Variants in ZC3H12B observed in about 807,000 individuals in gnomAD.
ZC3H12B encodes zinc finger CCCH-type containing 12B, also known as probable ribonuclease ZC3H12B.
In ZC3H12B, 7 loss-of-function variants were observed where a neutral mutation model predicts 43.9. The ratio of observed to expected loss-of-function variants is 0.16; its 90% CI spans 0.09 to 0.30. ZC3H12B has a LOEUF of 0.30. Ranked by LOEUF, ZC3H12B falls within the 10% of genes least tolerant of loss-of-function variation. The pLI is 1.00. For missense variants in ZC3H12B, 475 were observed against 670.2 expected (o/e 0.71, Z 3.22); for synonymous variants, 222 against 241.7 (o/e 0.92, Z 0.76).
At chrX:65,147,891 C>T in the ZC3H12B span, among the ~76,000 whole-genome samples, 1 of 110,652 alleles carries the variant, frequency 9.0e-6, no homozygotes. Context: ...TGGGGACTGG[C>T]CTGGAGCCTG....
chrX:65,309,325 T>C, the ZC3H12B span, among the ~76,000 whole-genome samples: 3 of 111,595 alleles, frequency 2.7e-5, no homozygotes, highest in African/African-American at 9.8e-5. Context: ...TCACCACTGA[T>C]CCCACAGAAA....
the ZC3H12B span, among the ~76,000 whole-genome samples, chrX:65,188,534 T>C: frequency 9.0e-6 from 1 of 110,973 alleles, no homozygotes; most frequent in Non-Finnish European, 1.9e-5. Flanking sequence ...TTATGTCTTA[T>C]TACAGTTTGG....
the ZC3H12B span, among the ~76,000 whole-genome samples, chrX:65,091,279 A>C: frequency 2.6e-3 from 293 of 112,016 alleles, no homozygotes; most frequent in Non-Finnish European, 4.8e-3. Flanking sequence ...AAAGGAATGC[A>C]AGGAATGCAG....
chrX:65,149,182 C>T, the ZC3H12B span, among the ~76,000 whole-genome samples: 1 of 111,112 alleles, frequency 9.0e-6, no homozygotes, highest in Non-Finnish European at 1.9e-5. Context: ...AAAGATGCAT[C>T]AAGTGTTCCC....
the ZC3H12B span, among the ~76,000 whole-genome samples, chrX:65,330,181 T>G: frequency 9.1e-6 from 1 of 110,434 alleles, no homozygotes; most frequent in Admixed American, 9.6e-5. Flanking sequence ...CTACCCAAGT[T>G]CACTCATGAT....
the ZC3H12B span, among the ~76,000 whole-genome samples, chrX:65,119,190 G>A: frequency 1.8e-5 from 2 of 111,390 alleles, no homozygotes; most frequent in African/African-American, 6.5e-5. Context: ...GGGTCAAATG[G>A]TATTTCTAGT....
chrX:65,112,122 G>A, the ZC3H12B span, among the ~76,000 whole-genome samples: 1 of 112,157 alleles, frequency 8.9e-6, no homozygotes, highest in Non-Finnish European at 1.9e-5. Context: ...TGTCTTATTG[G>A]TGGTAGGAAG....
chrX:65,119,533 A>T, the ZC3H12B span, among the ~76,000 whole-genome samples: 5 of 111,349 alleles, frequency 4.5e-5, no homozygotes, highest in East Asian at 8.5e-4. Flanking sequence ...TTCATTGTAG[A>T]TTCTGGATAT....
the ZC3H12B span, among the ~76,000 whole-genome samples, chrX:65,158,376 T>G: frequency 9.0e-6 from 1 of 111,608 alleles, no homozygotes; most frequent in Admixed American, 9.6e-5. Flanking sequence ...TGAACTAGTT[T>G]ACAGTCCCAC....
At chrX:65,442,369 G>T (rs764814599) in intron 3 of ZC3H12B, among the ~76,000 whole-genome samples, 51 of 110,866 alleles carry the variant, frequency 4.6e-4, no homozygotes, top group African/African-American at 1.6e-3. Flanking sequence ...TCAACATATG[G>T]TTCTCTGGGT....
the ZC3H12B span, among the ~76,000 whole-genome samples, chrX:65,074,583 C>G: frequency 3.6e-5 from 4 of 111,600 alleles, no homozygotes; most frequent in African/African-American, 1.3e-4. Flanking sequence ...TCTTCTTTTT[C>G]TTTTAATATC....
chrX:65,378,470 CA>C (rs903885055), intron 2 of ZC3H12B, among the ~76,000 whole-genome samples: 5 of 108,642 alleles, frequency 4.6e-5, no homozygotes, highest in Non-Finnish European at 1.9e-5. Context: ...ACAACAGATA[CA>C]AAAAAAAATT....
the ZC3H12B span, among the ~76,000 whole-genome samples, chrX:65,190,638 A>T: frequency 1.8e-5 from 2 of 108,370 alleles, no homozygotes; most frequent in Non-Finnish European, 3.8e-5. Flanking sequence ...TGATTTTTGT[A>T]CATTGATTTT....
chrX:65,098,675 G>A, the ZC3H12B span, among the ~76,000 whole-genome samples: 69 of 110,805 alleles, frequency 6.2e-4, no homozygotes, highest in African/African-American at 2.0e-3. Context: ...GCCAAGGGAA[G>A]CCATGAGGGA....
At chrX:65,139,673 T>C in the ZC3H12B span, among the ~76,000 whole-genome samples, 6 of 111,660 alleles carry the variant, frequency 5.4e-5, no homozygotes, top group Non-Finnish European at 9.4e-5. Flanking sequence ...TTGCTTTGAG[T>C]AGTATGGACA....
At chrX:65,043,104 C>G in the ZC3H12B span, among the ~76,000 whole-genome samples, 4 of 111,352 alleles carry the variant, frequency 3.6e-5, no homozygotes, top group Middle Eastern at 4.6e-3. Flanking sequence ...CAGCCAGGAT[C>G]TGATTATCCA....
At chrX:65,226,625 T>C in the ZC3H12B span, among the ~76,000 whole-genome samples, 1 of 111,186 alleles carries the variant, frequency 9.0e-6, no homozygotes, top group Non-Finnish European at 1.9e-5. Flanking sequence ...GTGTGCTGTA[T>C]TCAGGAAACC....
the ZC3H12B span, among the ~76,000 whole-genome samples, chrX:65,267,607 A>G: frequency 3.6e-5 from 4 of 111,793 alleles, no homozygotes; most frequent in Non-Finnish European, 7.5e-5. Flanking sequence ...AAGGAACAGT[A>G]TACAAAACTC....
chrX:65,085,346 A>G, the ZC3H12B span, among the ~76,000 whole-genome samples: 2 of 111,515 alleles, frequency 1.8e-5, no homozygotes, highest in East Asian at 5.6e-4. Flanking sequence ...TTGACATTGC[A>G]TGCCTGTTTC....
Sources: allele counts gnomAD v4.1 joint callset (sites outside exome capture counted in the v4.1 genomes callset), GRCh38; gene constraint gnomAD v4.1.1; transcripts MANE v1.5; gene names NCBI Gene and HGNC (gene_info 2026-07-23, HGNC 2026-07-21).